Variants in GAS7 observed in about 807,000 individuals in gnomAD.
GAS7 encodes the protein growth arrest-specific protein 7.
A neutral mutation model predicts 71.1 loss-of-function variants in GAS7; 28 were observed. The ratio of observed to expected loss-of-function variants is 0.39; its 90% CI spans 0.29 to 0.54. The LOEUF is 0.54. Ranked by LOEUF, GAS7 falls within the 20% of genes least tolerant of loss-of-function variation. The pLI is 0.62. For missense variants in GAS7, 436 were observed against 627.8 expected (o/e 0.69, Z 3.27); for synonymous variants, 258 against 245.8 (o/e 1.05, Z -0.46).
At chr17:9,951,476 G>A (rs2069004316) in intron 5 of GAS7, among the ~76,000 whole-genome samples, 1 of 152,134 alleles carries the variant, frequency 6.6e-6, no homozygotes, top group South Asian at 2.1e-4. Context: ...GACTTTCCTG[G>A]CCAGGTGCGG....
chr17:10,165,120 T>C (rs1408283105), intron 1 of GAS7, among the ~76,000 whole-genome samples: 2 of 125,722 alleles, frequency 1.6e-5, no homozygotes, highest in Non-Finnish European at 3.4e-5. Context: ...CCGTCTCTAC[T>C]AAAAAATACA....
intron 1 of GAS7, among the ~76,000 whole-genome samples, chr17:10,197,302 GT>G (rs1369026798): frequency 6.6e-6 from 1 of 152,160 alleles, no homozygotes; most frequent in Non-Finnish European, 1.5e-5. Context: ...TTACCAGAAT[GT>G]TTAGGAATAC....
intron 2 of GAS7, among the ~76,000 whole-genome samples, chr17:9,998,663 CAAAGACAG>C (rs1235756723): frequency 7.1e-6 from 1 of 140,196 alleles, no homozygotes; most frequent in Non-Finnish European, 1.5e-5. Context: ...GAAGGACAGA[CAAAGACAG>C]AAAGACAGAA....
chr17:10,001,513 G>A (rs2071268281), intron 2 of GAS7, among the ~76,000 whole-genome samples: 1 of 152,174 alleles, frequency 6.6e-6, no homozygotes, highest in Non-Finnish European at 1.5e-5. Flanking sequence ...AAGGGAAGTG[G>A]AGGCAGGAGC....
intron 1 of GAS7, among the ~76,000 whole-genome samples, chr17:10,056,767 C>T (rs1000146694): frequency 3.3e-5 from 5 of 151,946 alleles, no homozygotes; most frequent in African/African-American, 9.7e-5. Context: ...ATCTCCCTCC[C>T]CACGATCTCC....
intron 1 of GAS7, among the ~76,000 whole-genome samples, chr17:10,167,476 G>A (rs1026207225): frequency 9.9e-5 from 15 of 152,132 alleles, no homozygotes; most frequent in African/African-American, 3.1e-4. Flanking sequence ...GAGAGAATGG[G>A]CTGGGCTGTA....
chr17:9,953,068 A>C (rs925061997), intron 5 of GAS7, among the ~76,000 whole-genome samples: 2 of 152,004 alleles, frequency 1.3e-5, no homozygotes, highest in Non-Finnish European at 2.9e-5. Flanking sequence ...AGCACTATTC[A>C]CAATAGCAAA....
At chr17:10,036,161 A>G (rs1436211556) in intron 1 of GAS7, among the ~76,000 whole-genome samples, 1 of 151,730 alleles carries the variant, frequency 6.6e-6, no homozygotes, top group Non-Finnish European at 1.5e-5. Flanking sequence ...TCTCCAAGAC[A>G]TCCTTCATAA....
chr17:9,934,762 G>T (rs146044230), intron 8 of GAS7, among the ~76,000 whole-genome samples: 31 of 152,340 alleles, frequency 2.0e-4, no homozygotes, highest in African/African-American at 7.2e-4. Flanking sequence ...CCTTGAGACA[G>T]TCTTGCTCTG....
At chr17:9,968,849 G>T (rs912053062) in intron 4 of GAS7, among the ~76,000 whole-genome samples, 1 of 152,142 alleles carries the variant, frequency 6.6e-6, no homozygotes, top group African/African-American at 2.4e-5. Flanking sequence ...CATCATCAAT[G>T]ATCATTATTG....
chr17:9,954,348 C>A (rs1455246487), intron 5 of GAS7, among the ~76,000 whole-genome samples: 1 of 152,030 alleles, frequency 6.6e-6, no homozygotes, highest in Non-Finnish European at 1.5e-5. Flanking sequence ...CACAGAAGCA[C>A]CCTGCAGGAG....
At position 10,009,323 on chromosome 17, in the gene GAS7, A is replaced by AAAAAAAAG. The variant is rs1296385273; in HGVS notation, c.304+10453_304+10454insCTTTTTTT. ...GCGACAGAGCGAGACTCCGTCAAAA[A>AAAAAAAAG]AAAAAAAAAAAAAGTGTTCTACTGG... On this transcript the variant is annotated intron_variant, in intron 2 of 13. Transcript: ENST00000432992. 6.6e-5 allele frequency among the ~76,000 whole-genome samples: 10 copies of AAAAAAAAG among 151,098 alleles called. 1 individual carries two copies. The highest frequency in any genetic ancestry group is 3.9e-4 in the East Asian group (2 of 5,170).
At position 10,046,789 on chromosome 17, in the gene GAS7, G is replaced by A. The variant is rs9896799; in HGVS notation, c.184-26892C>T. Among the ~76,000 whole-genome samples the A allele has an allele frequency of 2.1e-3, 63 of 29,956 alleles. 1 individual carries two copies. Among genetic ancestry groups the A allele is most frequent in the African/African-American group, 8.4e-3 (48 of 5,706 alleles). 19.7% of individuals were successfully genotyped at this position (29,956 alleles called of 152,430 possible). ...AAAGAAGAGAAAGAAAGAAAGAAAG[G>A]AAGGAAGGAAGGAAGGAAGGAAGGA... On this transcript the variant is annotated intron_variant, in intron 1 of 13. Coordinates refer to ENST00000432992, the MANE Select transcript of GAS7 (RefSeq NM_201433.2).
intron 1 of GAS7, among the ~76,000 whole-genome samples, chr17:10,160,844 T>C (rs1214259049): frequency 1.3e-5 from 2 of 151,804 alleles, no homozygotes; most frequent in Non-Finnish European, 2.9e-5. Flanking sequence ...GCCTCCCAAG[T>C]AGCGGGAACT....
rs189231728 is a variant in GAS7, at chr17:10,133,177, C to T, written c.183+65031G>A. Among the ~76,000 whole-genome samples the T allele has an allele frequency of 4.2e-3, 620 of 148,334 alleles. 3 individuals carry two copies. Among genetic ancestry groups the T allele is most frequent in the African/African-American group, 0.015 (584 of 40,142 alleles). On this transcript the variant is annotated intron_variant, in intron 1 of 13. Transcript: ENST00000432992. ...CTCGCTCTGTCGCCCAGGTTGAGATCGTGCAGTGGCACTCAGCTCACTGCA... is the reference window on the plus strand; with the variant it reads ...CTCGCTCTGTCGCCCAGGTTGAGATTGTGCAGTGGCACTCAGCTCACTGCA...
intron 5 of GAS7, among the ~76,000 whole-genome samples, chr17:9,951,313 G>A (rs1458437214): frequency 6.6e-6 from 1 of 152,234 alleles, no homozygotes; most frequent in Admixed American, 6.5e-5. Flanking sequence ...AAGAATGATG[G>A]AACGAGTAGA....
At chr17:10,035,185 C>A (rs1030451245) in intron 1 of GAS7, among the ~76,000 whole-genome samples, 1 of 151,866 alleles carries the variant, frequency 6.6e-6, no homozygotes, top group African/African-American at 2.4e-5. Context: ...AGCACCCAAC[C>A]ACGATCCACA....
intron 3 of GAS7, among the ~76,000 whole-genome samples, chr17:9,975,560 T>C (rs79532023): frequency 0.023 from 3,360 of 146,838 alleles, 119 homozygotes; most frequent in African/African-American, 0.08. Flanking sequence ...CTTCCACCCG[T>C]TCTCCTTCCT....
chr17:10,095,665 C>CA (rs1376463718), intron 1 of GAS7, among the ~76,000 whole-genome samples: 4 of 151,768 alleles, frequency 2.6e-5, no homozygotes, highest in Non-Finnish European at 5.9e-5. Context: ...TCCAAAAATA[C>CA]AAAAATTAGC....
Sources: gnomAD v4.1 joint callset for allele counts (sites outside exome capture counted in the v4.1 genomes callset) on GRCh38, gnomAD v4.1.1 for gene constraint, MANE v1.5 for transcripts, NCBI Gene and HGNC (gene_info 2026-07-23, HGNC 2026-07-21) for gene names.